The following DMXL2 variants were observed in gnomAD, a reference collection of about 807,000 sequenced individuals.
DMXL2 encodes the protein dmX-like protein 2.
DMXL2 carries 103 observed loss-of-function variants against 331.1 expected under a neutral mutation model. The observed-to-expected ratio is 0.31, with a 90% CI of 0.27 to 0.37. The LOEUF (loss-of-function observed/expected upper bound fraction) is 0.37. DMXL2 is among the 10% of genes least tolerant of loss of function. DMXL2 has a pLI of 1.00. For missense variants in DMXL2, 3,171 were observed against 3,642.9 expected, an observed-to-expected ratio of 0.87 and a Z score of 3.33; for synonymous variants, 1,281 against 1,252.1, an observed-to-expected ratio of 1.02 and a Z score of -0.49.
chr15:51,559,937 T>A (rs1314490226), intron 6 of DMXL2, among the ~76,000 whole-genome samples: 1 of 152,164 alleles, frequency 6.6e-6, no homozygotes, highest in African/African-American at 2.4e-5. Flanking sequence ...GCAATTCTAT[T>A]CCTATGTATA....
chr15:51,488,308 C>G (rs554538267), intron 21 of DMXL2, among the ~76,000 whole-genome samples, 189 bp from the exon 22 acceptor site: 3 of 152,300 alleles, frequency 2.0e-5, no homozygotes, highest in Non-Finnish European at 4.4e-5. Flanking sequence ...CTTATGTATA[C>G]ATAAATAGGA....
intron 26 of DMXL2, among the ~76,000 whole-genome samples, chr15:51,477,855 A>G (rs2041708857): frequency 6.6e-6 from 1 of 152,096 alleles, no homozygotes; most frequent in Admixed American, 6.5e-5. Flanking sequence ...TAATTTAAAT[A>G]ATTCCATTTT....
intron 18 of DMXL2, among the ~76,000 whole-genome samples, 159 bp from the exon 19 acceptor site, chr15:51,495,293 T>C (rs901166675): frequency 6.6e-6 from 1 of 152,060 alleles, no homozygotes; most frequent in African/African-American, 2.4e-5. Flanking sequence ...TACAAAAAAT[T>C]ATCTTTACAA....
intron 19 of DMXL2, among the ~76,000 whole-genome samples, 185 bp from the exon 20 acceptor site, chr15:51,491,932 T>C (rs948415411): frequency 2.0e-5 from 3 of 152,254 alleles, no homozygotes; most frequent in East Asian, 3.8e-4. Flanking sequence ...AGATCAATAA[T>C]GTGATACATA....
chr15:51,487,921 C>A (rs751999968), intron 22 of DMXL2, 33 bp downstream of exon 22: 3 of 1,484,756 alleles, frequency 2.0e-6, no homozygotes, highest in Non-Finnish European at 2.7e-6. Context: ...CAATCTTTTA[C>A]AAGTATTATA....
intron 1 of DMXL2, among the ~76,000 whole-genome samples, chr15:51,601,710 G>A (rs2053241596): frequency 6.6e-6 from 1 of 152,018 alleles, no homozygotes; most frequent in Admixed American, 6.6e-5. Flanking sequence ...CTTCAATATT[G>A]CCTTATCTAT....
At chr15:51,587,531 G>C (rs1374539427) in intron 1 of DMXL2, among the ~76,000 whole-genome samples, 1 of 152,196 alleles carries the variant, frequency 6.6e-6, no homozygotes, top group Non-Finnish European at 1.5e-5. Flanking sequence ...GCATTCCATG[G>C]TGTATATGTG....
At chr15:51,619,443 C>T (rs915064550) in intron 1 of DMXL2, among the ~76,000 whole-genome samples, 1 of 152,184 alleles carries the variant, frequency 6.6e-6, no homozygotes, top group Non-Finnish European at 1.5e-5. Flanking sequence ...TCATAGCTTA[C>T]GTGATACCAC....
chr15:51,599,889 C>G (rs2053106326), intron 1 of DMXL2, among the ~76,000 whole-genome samples: 1 of 152,006 alleles, frequency 6.6e-6, no homozygotes, highest in African/African-American at 2.4e-5. Context: ...TTAGTAGAGA[C>G]AGGGTTTCAC....
chr15:51,459,678 G>A lies in DMXL2; in HGVS notation c.7927-18C>T, dbSNP rs1388346178. ...TCTATAGACTAAATACCACCACACC[G>A]TCACAAACACAAAACACATGCATGG... On this transcript the variant is annotated intron_variant, in intron 33 of 43. Transcript: ENST00000560891. The A allele has an allele frequency of 2.9e-5, 37 of 1,288,942 alleles. No homozygotes were observed. The highest frequency in any genetic ancestry group is 4.6e-5 in the Admixed American group (2 of 43,516). 79.8% of individuals were successfully genotyped at this position (1,288,942 alleles called of 1,614,324 possible).
chr15:51,448,744 T>G lies in DMXL2; in HGVS notation c.*240A>C. On this transcript the variant is annotated 3_prime_UTR_variant, in exon 44 of 44. Transcript: ENST00000560891. ...TTTCTGAATCAGGTTTGCTAAATGC[T>G]GTAAAGAATAGCTATCCTTCATACA... 2 of 498,110 alleles carry G rather than the reference T, an allele frequency of 4.0e-6. No individual in the cohort carries two copies. The highest frequency in any genetic ancestry group is 6.3e-5 in the East Asian group (2 of 31,578). 30.9% of individuals were successfully genotyped at this position (498,110 alleles called of 1,614,324 possible). A position where few individuals can be genotyped will look rare whatever the true frequency, so the allele number is the denominator to read the frequency against.
Position 51,456,308 on chromosome 15 carries a change from C to T in DMXL2, c.8398+1G>A. 6.3e-7 allele frequency: 1 copy of T among 1,589,954 alleles called. No individual in the cohort carries two copies. The highest frequency in any genetic ancestry group is 8.6e-7 in the Non-Finnish European group (1 of 1,165,422). ...ACAATTATTAGGTCATAAATACTTACAGTATTGATGGACTGGGTGTGAAGT... is the reference window on the plus strand; with the variant it reads ...ACAATTATTAGGTCATAAATACTTATAGTATTGATGGACTGGGTGTGAAGT... On this transcript the variant is annotated splice_donor_variant, in intron 38 of 43. Coordinates refer to ENST00000560891, the MANE Select transcript of DMXL2 (RefSeq NM_001378457.1). LOFTEE classifies it high-confidence loss of function.
chr15:51,535,325 T>TG (rs1222464521), intron 13 of DMXL2, among the ~76,000 whole-genome samples: 31 of 152,248 alleles, frequency 2.0e-4, no homozygotes, highest in African/African-American at 7.2e-4. Flanking sequence ...ACATACAGCT[T>TG]GGTAAAGATG....
chr15:51,515,548 A>G (rs548973265), intron 14 of DMXL2, among the ~76,000 whole-genome samples: 1 of 152,298 alleles, frequency 6.6e-6, no homozygotes, highest in East Asian at 1.9e-4. Context: ...TCATTTCCCC[A>G]AGGGACAAAC....
At chr15:51,577,214 T>C (rs1316956323) in intron 1 of DMXL2, among the ~76,000 whole-genome samples, 1 of 152,164 alleles carries the variant, frequency 6.6e-6, no homozygotes, top group Non-Finnish European at 1.5e-5. Flanking sequence ...CCTTAAGCAG[T>C]GTGGTTACGA....
At position 51,450,007 on chromosome 15, in the gene DMXL2, A is replaced by C. The variant is rs370164200; in HGVS notation, c.8967+122T>G. 437 of 827,010 alleles carry C rather than the reference A, an allele frequency of 5.3e-4. 24 individuals are homozygous for C. The South Asian group carries it at 7.5e-3, about 14-fold the overall frequency. The allele number at this position is 827,010 out of a possible 1,614,324, so 51.2% of individuals were successfully genotyped here. ...GAGGCGGCAGAGTGTTGAGATATGC[A>C]GTATCTCCATGCAGTAGCCCAAGTG... On this transcript the variant is annotated intron_variant, in intron 43 of 43. Coordinates refer to ENST00000560891, the MANE Select transcript of DMXL2 (RefSeq NM_001378457.1).
Position 51,507,193 on chromosome 15 carries a change from T to C in DMXL2, c.2705A>G (p.Asn902Ser), listed in dbSNP as rs758191068. Residue 902 changes from asparagine to serine, a missense_variant, in exon 16 of 44, where the codon AAT becomes AGT. By Grantham distance (46) the Asn-to-Ser change is conservative. Transcript: ENST00000560891. ...FFLVVIEKDS[N>S]NNSILHMWHL... is the part of the protein sequence containing the mutation. ...CCACATATGCAGAATAGAGTTATTA[T>C]TGCTGTCCTTCTCAATTACTACTAG... is the stretch of plus-strand genomic sequence containing the variant. 1.2e-6 allele frequency: 2 copies of C among 1,611,536 alleles called. No individual in the cohort carries two copies. The highest frequency in any genetic ancestry group is 2.7e-5 in the African/African-American group (2 of 75,004).
chr15:51,548,404 C>A (rs1567101901), intron 6 of DMXL2, among the ~76,000 whole-genome samples: 1 of 151,914 alleles, frequency 6.6e-6, no homozygotes, highest in Non-Finnish European at 1.5e-5. Context: ...ATTAATGTCT[C>A]TTTTTTTGGA....
At position 51,505,944 on chromosome 15, in the gene DMXL2, G is replaced by C. The variant is rs535371727; in HGVS notation, c.2764+1190C>G. ...ATTATCTCTCAAAAAGGAAAAGTTTGTTTTTAAAAAATCTGTGATCAATTT... is the reference window on the plus strand; with the variant it reads ...ATTATCTCTCAAAAAGGAAAAGTTTCTTTTTAAAAAATCTGTGATCAATTT... On this transcript the variant is annotated intron_variant, in intron 16 of 43. Coordinates refer to ENST00000560891, the MANE Select transcript of DMXL2 (RefSeq NM_001378457.1). Among the ~76,000 whole-genome samples, 9 of 152,110 alleles carry C rather than the reference G, an allele frequency of 5.9e-5. No individual in the cohort carries two copies. The East Asian group carries it at 1.2e-3, about 20-fold the overall frequency.
Sources: allele counts gnomAD v4.1 joint callset (sites outside exome capture counted in the v4.1 genomes callset), GRCh38; gene constraint gnomAD v4.1.1; transcripts MANE v1.5; gene names NCBI Gene and HGNC (gene_info 2026-07-23, HGNC 2026-07-21).